NSRP1: variants seen among roughly 807,000 people sequenced by gnomAD.
NSRP1 encodes the protein nuclear speckle splicing regulatory protein 1.
Under a neutral mutation model 54.7 loss-of-function variants are expected in NSRP1, and 24 were observed. The ratio of observed to expected loss-of-function variants is 0.44; its 90% CI spans 0.32 to 0.62. NSRP1 has a LOEUF of 0.62. NSRP1 is among the 20% of genes least tolerant of loss of function. The probability of loss-of-function intolerance (pLI) is 0.06; values close to 1 mark genes in which losing one functional copy is unlikely to be tolerated. For missense variants in NSRP1, 596 were observed against 651.2 expected (o/e 0.92, Z 0.92); for synonymous variants, 210 against 213.8 (o/e 0.98, Z 0.15).
rs144705088 is a variant in NSRP1 at position 30,172,014 on chromosome 17, T to TCTCTCACACA, written c.115-527_115-526insTCTCACACAC. ...CTCTCTCTCTCTCTCTCTCTCTCTCTCACATGTTCACATGAAGCAAATTGA... is the reference window on the plus strand; with the variant it reads ...CTCTCTCTCTCTCTCTCTCTCTCTCTCTCTCACACACACATGTTCACATGAAGCAAATTGA... On this transcript the variant is annotated intron_variant, in intron 2 of 6. Transcript: ENST00000247026. Among the ~76,000 whole-genome samples the TCTCTCACACA allele has an allele frequency of 2.1e-3, 269 of 131,164 alleles. 2 individuals carry two copies. Among genetic ancestry groups the TCTCTCACACA allele is most frequent in the African/African-American group, 4.2e-3 (151 of 36,288 alleles). The allele number at this position is 131,164 out of a possible 152,430, so 86.0% of individuals were successfully genotyped here. A position where few individuals can be genotyped will look rare whatever the true frequency, so the allele number is the denominator to read the frequency against.
At chr17:30,125,152 GCCAC>G (rs747944710) in intron 2 of NSRP1, among the ~76,000 whole-genome samples, 50 of 152,190 alleles carry the variant, frequency 3.3e-4, no homozygotes, top group Non-Finnish European at 6.8e-4. Flanking sequence ...CTGATATCAA[GCCAC>G]TGCACTCCAG....
intron 2 of NSRP1, among the ~76,000 whole-genome samples, chr17:30,171,972 ACT>A (rs1244697997): frequency 1.2e-3 from 58 of 46,630 alleles, no homozygotes; most frequent in African/African-American, 3.3e-3. Context: ...ACACACACAC[ACT>A]CCCTCTCTCT....
At chr17:30,163,225 GTGTGTGTGTGTGTGTGTGTGTGTT>G (rs1904595302) in intron 2 of NSRP1, 1 of 147,098 alleles carries the variant, frequency 6.8e-6, no homozygotes, top group African/African-American at 2.6e-5. Context: ...GTGTGTGTGT[GTGTGTGTGTGTGTGTGTGTGTGTT>G]TTTAGTAGAG....
intron 2 of NSRP1, among the ~76,000 whole-genome samples, chr17:30,120,192 G>C (rs1042227814): frequency 4.6e-5 from 7 of 152,176 alleles, no homozygotes; most frequent in Non-Finnish European, 1.0e-4. Flanking sequence ...TATAATGCCA[G>C]ATTTATCCAT....
At chr17:30,135,773 G>A (rs1028234480) in intron 2 of NSRP1, among the ~76,000 whole-genome samples, 1 of 152,042 alleles carries the variant, frequency 6.6e-6, no homozygotes, top group Non-Finnish European at 1.5e-5. Context: ...CCCGGTGTTG[G>A]CACCAGTTTT....
chr17:30,157,617 T>G (rs1334956331), intron 2 of NSRP1, among the ~76,000 whole-genome samples: 1 of 152,152 alleles, frequency 6.6e-6, no homozygotes, highest in Non-Finnish European at 1.5e-5. Context: ...CAGACTAGGG[T>G]GACTATACTT....
At chr17:30,147,957 A>G (rs1401464052) in intron 2 of NSRP1, among the ~76,000 whole-genome samples, 1 of 151,872 alleles carries the variant, frequency 6.6e-6, no homozygotes, top group African/African-American at 2.4e-5. Flanking sequence ...GATTGCAGGC[A>G]TGTGCTACCA....
At chr17:30,148,732 AGTTTGGGCT>A (rs2071879283) in intron 2 of NSRP1, among the ~76,000 whole-genome samples, 1 of 152,262 alleles carries the variant, frequency 6.6e-6, no homozygotes, top group South Asian at 2.1e-4. Flanking sequence ...GATGGTTCTA[AGTTTGGGCT>A]GTGGATTGGC....
intron 2 of NSRP1, among the ~76,000 whole-genome samples, chr17:30,157,098 C>G (rs931342581): frequency 6.6e-6 from 1 of 152,164 alleles, no homozygotes; most frequent in African/African-American, 2.4e-5. Context: ...TACTAAGTTA[C>G]ATTCCCACCT....
intron 6 of NSRP1, 24 bp downstream of exon 6, chr17:30,181,040 T>C (rs1420860157): frequency 7.8e-6 from 11 of 1,410,018 alleles, no homozygotes; most frequent in Non-Finnish European, 1.0e-5. Flanking sequence ...TATGAAATAT[T>C]TTGAAGAAAA....
intron 3 of NSRP1, among the ~76,000 whole-genome samples, chr17:30,174,584 G>T (rs1404977291): frequency 6.6e-6 from 1 of 152,130 alleles, no homozygotes; most frequent in Admixed American, 6.5e-5. Context: ...AAAACTTTCA[G>T]TATGTCATCA....
intron 2 of NSRP1, among the ~76,000 whole-genome samples, chr17:30,130,680 T>A (rs1476349434): frequency 6.6e-6 from 1 of 152,198 alleles, no homozygotes; most frequent in Non-Finnish European, 1.5e-5. Context: ...ACTTCTAGAC[T>A]TTTTTTAATT....
chr17:30,185,673 G>T lies in NSRP1; in HGVS notation c.1676G>T (p.Ter559LeuextTer15). The stretch of plus-strand genomic sequence containing the variant: ...ACCTATATTGAGAAAGAAGATGATT[G>T]ATGGCTACCCCAAGAGAAAGATTTA... ...AKTYIEKEDD[*>L] The change falls in exon 7 of 7, where the codon TGA (stop) becomes TTA (leucine). Residue 559 changes from the stop codon to leucine (L), a stop_lost. Coordinates refer to ENST00000247026, the MANE Select transcript of NSRP1 (RefSeq NM_032141.4). 1 of 1,556,176 alleles carries T rather than the reference G, an allele frequency of 6.4e-7. No homozygotes were observed. Among genetic ancestry groups the T allele is most frequent in the Non-Finnish European group, 8.6e-7 (1 of 1,157,114 alleles).
chr17:30,162,489 T>C (rs1281641323), intron 2 of NSRP1, among the ~76,000 whole-genome samples: 1 of 152,204 alleles, frequency 6.6e-6, no homozygotes, highest in East Asian at 1.9e-4. Context: ...TGTAAGACTT[T>C]TAATAAATGA....
intron 6 of NSRP1, among the ~76,000 whole-genome samples, chr17:30,181,302 TAA>T (rs1307460825): frequency 6.6e-6 from 1 of 152,102 alleles, no homozygotes; most frequent in Non-Finnish European, 1.5e-5. Flanking sequence ...TTTTAATGTA[TAA>T]AGTTTCTGAA....
Position 30,118,136 on chromosome 17 carries a change from C to T in NSRP1, c.77C>T (p.Pro26Leu), listed in dbSNP as rs2071559852. 6.2e-7 allele frequency: 1 copy of T among 1,613,774 alleles called. No homozygotes were observed. The highest frequency in any genetic ancestry group is 1.3e-5 in the African/African-American group (1 of 74,884). Residue 26 changes from proline (P) to leucine (L), a missense_variant, in exon 2 of 7, where the codon CCA becomes CTA. Coordinates refer to ENST00000247026, the MANE Select transcript of NSRP1 (RefSeq NM_032141.4). ...CAGTTGCACCCTGTTTTGCAAAAAC[C>T]ATCAGTGTTTGGGAATGATTCTGAT... is the stretch of plus-strand genomic sequence containing the variant. ...TQQLHPVLQK[P>L]SVFGNDSDDD...
chr17:30,116,974 G>A (rs1161934413), intron 1 of NSRP1, 111 bp downstream of exon 1: 3 of 1,343,412 alleles, frequency 2.2e-6, no homozygotes, highest in South Asian at 1.3e-5. Flanking sequence ...TGTCGTCAAG[G>A]GTAGAGACGG....
chr17:30,127,996 G>C (rs975139994), intron 2 of NSRP1: 4 of 395,166 alleles, frequency 1.0e-5, no homozygotes, highest in African/African-American at 8.3e-5. Context: ...CACCATGCCT[G>C]GCTAATTTTT....
chr17:30,141,832 G>A (rs1052530789), intron 2 of NSRP1, among the ~76,000 whole-genome samples: 12 of 152,050 alleles, frequency 7.9e-5, no homozygotes, highest in South Asian at 4.1e-4. Context: ...GTGAAACCTC[G>A]TCTCTACTAA....
Sources: allele counts gnomAD v4.1 joint callset (sites outside exome capture counted in the v4.1 genomes callset), GRCh38; gene constraint gnomAD v4.1.1; transcripts MANE v1.5; gene names NCBI Gene and HGNC (gene_info 2026-07-23, HGNC 2026-07-21).